Variants in ALPL observed in about 807,000 individuals in gnomAD.
ALPL encodes alkaline phosphatase, tissue-nonspecific isozyme.
Under a neutral mutation model 51.3 loss-of-function variants are expected in ALPL, and 42 were observed. The observed-to-expected ratio is 0.82, with a 90% CI of 0.64 to 1.06. The LOEUF is 1.06. Ranked by LOEUF, ALPL falls within the 50% of genes least tolerant of loss-of-function variation. The pLI is 0.00. For synonymous variants in ALPL, 279 were observed against 296.4 expected (o/e 0.94, Z 0.60); for missense variants, 589 against 709.4 (o/e 0.83, Z 1.93).
In ALPL at chr1:21,554,831, TTC is replaced by T. The variant is rs1474034722; in HGVS notation, c.61+691_61+692del. On this transcript the variant is annotated intron_variant, in intron 2 of 11. Coordinates refer to ENST00000374840, the MANE Select transcript of ALPL (RefSeq NM_000478.6). Reference sequence around the variant, plus strand: ...TGTCTGTCTGTCTTTCTTTCTTTCTTTCTTTCTTTCTTTCTTTCTTTCTTTCT... The same window carrying T: ...TGTCTGTCTGTCTTTCTTTCTTTCTTTTTCTTTCTTTCTTTCTTTCTTTCT... 4.6e-4 allele frequency among the ~76,000 whole-genome samples: 61 copies of T among 131,738 alleles called. 5 individuals carry two copies. Among genetic ancestry groups the T allele is most frequent in the Non-Finnish European group, 8.3e-4 (51 of 61,642 alleles). 86.4% of individuals were successfully genotyped at this position (131,738 alleles called of 152,430 possible).
intron 1 of ALPL, among the ~76,000 whole-genome samples, chr1:21,510,405 C>G (rs546090298): frequency 6.6e-6 from 1 of 152,260 alleles, no homozygotes; most frequent in South Asian, 2.1e-4. Context: ...GATTCTTGGG[C>G]CAGGAAGGGC....
intron 1 of ALPL, among the ~76,000 whole-genome samples, chr1:21,522,120 G>A (rs1033507189): frequency 4.1e-5 from 6 of 148,058 alleles, no homozygotes; most frequent in Non-Finnish European, 7.4e-5. Flanking sequence ...CGCCCAGGCT[G>A]GAGTGCAGTG....
chr1:21,514,952 A>G (rs893977511), intron 1 of ALPL, among the ~76,000 whole-genome samples: 8 of 152,260 alleles, frequency 5.3e-5, no homozygotes, highest in Admixed American at 4.6e-4. Context: ...GACCCAGGGA[A>G]GGGAGGAGAG....
intron 1 of ALPL, among the ~76,000 whole-genome samples, chr1:21,527,144 T>C (rs1289028325): frequency 6.6e-6 from 1 of 151,992 alleles, no homozygotes; most frequent in Non-Finnish European, 1.5e-5. Flanking sequence ...GCGATTCTCC[T>C]GTCTCAGCCT....
chr1:21,577,440 GGGAGGACGT>G lies in ALPL; in HGVS notation c.1370_1378del (p.Glu457_Val459del), dbSNP rs1644753857. Reference sequence around the variant, plus strand: ...CCCCTGCGCCACGAGACCCACGGCGGGGAGGACGTGGCCGTCTTCTCCAAGGGCCCCATG... The same window carrying G: ...CCCCTGCGCCACGAGACCCACGGCGGGGCCGTCTTCTCCAAGGGCCCCATG... On this transcript the variant is annotated inframe_deletion, in exon 12 of 12. Transcript: ENST00000374840. 6.2e-7 allele frequency: 1 copy of G among 1,612,206 alleles called. No homozygotes were observed. The highest frequency in any genetic ancestry group is 8.5e-7 in the Non-Finnish European group (1 of 1,179,950).
intron 1 of ALPL, among the ~76,000 whole-genome samples, chr1:21,519,629 T>A (rs1643863980): frequency 6.6e-6 from 1 of 152,216 alleles, no homozygotes; most frequent in East Asian, 1.9e-4. Context: ...AAACCCTATC[T>A]GTACTAAGAA....
At chr1:21,510,862 G>A (rs1259549227) in intron 1 of ALPL, among the ~76,000 whole-genome samples, 2 of 152,178 alleles carry the variant, frequency 1.3e-5, no homozygotes, top group Non-Finnish European at 2.9e-5. Context: ...TTGTTCCTGT[G>A]TCACCTTTTT....
intron 1 of ALPL, among the ~76,000 whole-genome samples, chr1:21,528,781 G>A (rs1195670898): frequency 6.7e-6 from 1 of 150,152 alleles, no homozygotes; most frequent in East Asian, 2.0e-4. Flanking sequence ...AAATATTATG[G>A]AGTCAGGGCC....
intron 1 of ALPL, among the ~76,000 whole-genome samples, chr1:21,549,171 C>T (rs1644288903): frequency 6.6e-6 from 1 of 152,142 alleles, no homozygotes. Context: ...CTTTTCAATA[C>T]CTGGTTTGCT....
At position 21,568,201 on chromosome 1, in the gene ALPL, G is replaced by C. The variant is rs121918018; in HGVS notation, c.746G>C (p.Gly249Ala). 1.1e-5 allele frequency: 17 copies of C among 1,613,988 alleles called. No homozygotes were observed. The African/African-American group carries it at 1.7e-4, about 16-fold the overall frequency. ...AAAGCCAGGGGCACGAGGCTGGACG[G>C]CCTGGACCTCGTTGACACCTGGAAG... ...DEKARGTRLD[G>A]LDLVDTWKSF... The change falls in exon 7 of 12, where the codon GGC (glycine) becomes GCC (alanine). Residue 249 changes from glycine (G) to alanine (A), a missense_variant. Transcript: ENST00000374840.
intron 1 of ALPL, among the ~76,000 whole-genome samples, chr1:21,552,707 T>C (rs1463609199): frequency 6.6e-6 from 1 of 152,168 alleles, no homozygotes; most frequent in Admixed American, 6.5e-5. Flanking sequence ...GTTACCACCA[T>C]GCCTGGCTTT....
chr1:21,517,185 A>G (rs148113730), intron 1 of ALPL, among the ~76,000 whole-genome samples: 141 of 152,338 alleles, frequency 9.3e-4, no homozygotes, highest in Admixed American at 2.5e-3. Context: ...AAAGAAAAAA[A>G]TCTTAAGTGT....
At chr1:21,570,219 AG>A in intron 7 of ALPL, 85 bp from the exon 8 acceptor site, 1 of 1,344,756 alleles carries the variant, frequency 7.4e-7, no homozygotes. Context: ...AAACAAGTAA[AG>A]GCCTCAGACT....
At chr1:21,546,868 G>C (rs968849328) in intron 1 of ALPL, among the ~76,000 whole-genome samples, 2 of 152,258 alleles carry the variant, frequency 1.3e-5, no homozygotes, top group Non-Finnish European at 2.9e-5. Flanking sequence ...GAGCATGGGT[G>C]CATCCCTCTG....
chr1:21,511,998 G>A (rs961178749), intron 1 of ALPL, among the ~76,000 whole-genome samples: 2 of 152,188 alleles, frequency 1.3e-5, no homozygotes, highest in Non-Finnish European at 2.9e-5. Context: ...GTAGGATCCA[G>A]TAGCAGAGCC....
chr1:21,577,665 C>T lies in ALPL; in HGVS notation c.*17C>T, dbSNP rs780269910. The T allele has an allele frequency of 6.3e-7, 1 of 1,591,992 alleles. No homozygotes were observed. The highest frequency in any genetic ancestry group is 1.1e-5 in the South Asian group (1 of 89,848). Reference sequence around the variant, plus strand: ...CTGTTCTGAGGGCCCAGGGCCCGGGCACCCACAAGCCCGTGACAGATGCCA... The same window carrying T: ...CTGTTCTGAGGGCCCAGGGCCCGGGTACCCACAAGCCCGTGACAGATGCCA... On this transcript the variant is annotated 3_prime_UTR_variant, in exon 12 of 12. Transcript: ENST00000374840.
intron 4 of ALPL, 144 bp downstream of exon 4, chr1:21,561,356 C>A: frequency 1.4e-6 from 1 of 728,804 alleles, no homozygotes. Flanking sequence ...CAGCCACTGC[C>A]CTGACTTCTG....
intron 1 of ALPL, among the ~76,000 whole-genome samples, chr1:21,548,607 G>A (rs921815998): frequency 2.0e-5 from 3 of 152,204 alleles, no homozygotes; most frequent in Non-Finnish European, 4.4e-5. Context: ...GTGCTCCCGG[G>A]TCACTACACT....
At chr1:21,575,521 C>G (rs1570303702) in intron 9 of ALPL, among the ~76,000 whole-genome samples, 1 of 152,328 alleles carries the variant, frequency 6.6e-6, no homozygotes, top group South Asian at 2.1e-4. Context: ...ATGCATGTGC[C>G]TTTGGCACCG....
Sources: gnomAD v4.1 joint callset for allele counts (sites outside exome capture counted in the v4.1 genomes callset) on GRCh38, gnomAD v4.1.1 for gene constraint, MANE v1.5 for transcripts, NCBI Gene and HGNC (gene_info 2026-07-23, HGNC 2026-07-21) for gene names.